The following GABRG3 variants were observed in gnomAD, a reference collection of about 807,000 sequenced individuals.
GABRG3 encodes the protein gamma-aminobutyric acid receptor subunit gamma-3.
A neutral mutation model predicts 48.8 loss-of-function variants in GABRG3; 25 were observed. That is an observed-to-expected ratio of 0.51 (90% CI 0.37 to 0.72). The LOEUF (loss-of-function observed/expected upper bound fraction) is 0.72, where lower values mean the gene tolerates loss of function less well. GABRG3 is among the 30% of genes least tolerant of loss of function. The pLI is 0.00. For missense variants in GABRG3, 394 were observed against 577.9 expected (o/e 0.68, Z 3.26); for synonymous variants, 227 against 217.6 (o/e 1.04, Z -0.38).
At chr15:27,423,932 G>T (rs1888210930) in intron 5 of GABRG3, among the ~76,000 whole-genome samples, 1 of 151,908 alleles carries the variant, frequency 6.6e-6, no homozygotes, top group Non-Finnish European at 1.5e-5. Flanking sequence ...AGTGCCAAGT[G>T]AGTTAATTGG....
chr15:27,494,391 C>T lies in GABRG3; in HGVS notation c.712+13604C>T, dbSNP rs186495380. On this transcript the variant is annotated intron_variant, in intron 6 of 9. Transcript: ENST00000615808. Reference sequence around the variant, plus strand: ...GAGAGAAGTGTTCCCTCCTCTCATACGTCCTGGAAGAGTTTGTGTAGAATT... The same window carrying T: ...GAGAGAAGTGTTCCCTCCTCTCATATGTCCTGGAAGAGTTTGTGTAGAATT... Among the ~76,000 whole-genome samples, 61 of 152,100 alleles carry T rather than the reference C, an allele frequency of 4.0e-4. 1 individual carries two copies. Among genetic ancestry groups the T allele is most frequent in the Non-Finnish European group, 6.8e-4 (46 of 67,976 alleles).
chr15:27,477,905 G>T (rs1197522374), intron 5 of GABRG3, among the ~76,000 whole-genome samples: 2 of 152,054 alleles, frequency 1.3e-5, no homozygotes, highest in African/African-American at 2.4e-5. Context: ...AATTAGCTGG[G>T]CATGGTGGCA....
intron 5 of GABRG3, among the ~76,000 whole-genome samples, chr15:27,431,458 GCT>G (rs1305294481): frequency 2.0e-5 from 3 of 151,984 alleles, no homozygotes; most frequent in Non-Finnish European, 4.4e-5. Context: ...ATGATATCAT[GCT>G]CTCTATAAAT....
At chr15:26,990,211 G>A (rs769128728) in intron 2 of GABRG3, among the ~76,000 whole-genome samples, 4 of 152,120 alleles carry the variant, frequency 2.6e-5, no homozygotes, top group African/African-American at 7.2e-5. Context: ...AATGTTCTCT[G>A]TAGTGATTTA....
intron 3 of GABRG3, among the ~76,000 whole-genome samples, chr15:27,167,977 A>C (rs963762453): frequency 6.6e-6 from 1 of 152,192 alleles, no homozygotes; most frequent in Non-Finnish European, 1.5e-5. Context: ...CTAGGCGAGC[A>C]GAAGTGATGG....
chr15:27,317,064 G>T (rs1343834679), intron 3 of GABRG3, among the ~76,000 whole-genome samples: 1 of 152,150 alleles, frequency 6.6e-6, no homozygotes, highest in Non-Finnish European at 1.5e-5. Flanking sequence ...TAGGTCAGAG[G>T]TGTTGAACTC....
intron 5 of GABRG3, among the ~76,000 whole-genome samples, chr15:27,461,194 A>C (rs112552274): frequency 1.3e-4 from 20 of 152,262 alleles, no homozygotes; most frequent in African/African-American, 4.3e-4. Flanking sequence ...TAATGGCATC[A>C]TCCTCTCCCA....
intron 2 of GABRG3, among the ~76,000 whole-genome samples, chr15:26,981,812 G>A (rs1895060572): frequency 6.6e-6 from 1 of 152,168 alleles, no homozygotes; most frequent in Non-Finnish European, 1.5e-5. Context: ...ACACTGCCCA[G>A]GCACACTGTC....
intron 3 of GABRG3, among the ~76,000 whole-genome samples, chr15:27,108,767 C>A (rs1032766231): frequency 6.6e-6 from 1 of 152,104 alleles, no homozygotes; most frequent in Non-Finnish European, 1.5e-5. Flanking sequence ...TAGGTTTCTA[C>A]ACATTTAAGA....
intron 3 of GABRG3, among the ~76,000 whole-genome samples, chr15:27,281,092 A>G (rs1332314319): frequency 1.3e-5 from 2 of 152,082 alleles, no homozygotes; most frequent in African/African-American, 4.8e-5. Flanking sequence ...GACCTTGGTA[A>G]TTCTCTTTGC....
At chr15:27,281,180 C>T (rs1165772052) in intron 3 of GABRG3, among the ~76,000 whole-genome samples, 1 of 152,096 alleles carries the variant, frequency 6.6e-6, no homozygotes, top group African/African-American at 2.4e-5. Flanking sequence ...TTTACTTTCA[C>T]CCTACCTATA....
At chr15:27,453,789 G>A (rs1018254043) in intron 5 of GABRG3, among the ~76,000 whole-genome samples, 1 of 152,036 alleles carries the variant, frequency 6.6e-6, no homozygotes, top group African/African-American at 2.4e-5. Context: ...TTTAGTACTG[G>A]CAGGGTTTCA....
intron 3 of GABRG3, among the ~76,000 whole-genome samples, chr15:27,120,297 A>G (rs1897709165): frequency 6.6e-6 from 1 of 152,084 alleles, no homozygotes; most frequent in Non-Finnish European, 1.5e-5. Context: ...TTTCTTGCTT[A>G]TTGTATGTTG....
chr15:26,987,207 G>C (rs1425503171), intron 2 of GABRG3, among the ~76,000 whole-genome samples: 1 of 151,122 alleles, frequency 6.6e-6, no homozygotes, highest in South Asian at 2.1e-4. Flanking sequence ...GCAGTGAGCC[G>C]AGATCACACC....
rs76879758 is a variant in GABRG3, at chr15:27,478,965, T to C, written c.575-1685T>C. Among the ~76,000 whole-genome samples the C allele has an allele frequency of 0.03, 4,553 of 151,674 alleles. 403 individuals carry two copies. The East Asian group carries it at 0.32, about 11-fold the overall frequency. On this transcript the variant is annotated intron_variant, in intron 5 of 9. Coordinates refer to ENST00000615808, the MANE Select transcript of GABRG3 (RefSeq NM_033223.5). ...TAGACCAAACTATAGTGACAGAAAA[T>C]ATATAAGTGACTGCCTAGGACTAGG...
intron 3 of GABRG3, among the ~76,000 whole-genome samples, chr15:27,099,710 A>C (rs1022018219): frequency 9.3e-6 from 1 of 107,774 alleles, no homozygotes; most frequent in Non-Finnish European, 1.9e-5. Flanking sequence ...AAACATTATG[A>C]ATAAAAAAAA....
intron 3 of GABRG3, among the ~76,000 whole-genome samples, chr15:27,079,863 A>G (rs1896963955): frequency 1.3e-5 from 2 of 152,160 alleles, no homozygotes; most frequent in Non-Finnish European, 2.9e-5. Flanking sequence ...TTAAATAAAA[A>G]TCAGCCCGCA....
chr15:27,000,386 T>C (rs1566904792), intron 2 of GABRG3, among the ~76,000 whole-genome samples: 1 of 152,166 alleles, frequency 6.6e-6, no homozygotes, highest in Non-Finnish European at 1.5e-5. Flanking sequence ...TAGGGCTAAT[T>C]ACTCCCCACT....
intron 5 of GABRG3, among the ~76,000 whole-genome samples, chr15:27,371,041 G>A (rs1403322870): frequency 6.6e-6 from 1 of 152,070 alleles, no homozygotes; most frequent in East Asian, 1.9e-4. Context: ...AGTGACTTGG[G>A]TACCCTCATT....
Sources: allele counts gnomAD v4.1 joint callset (sites outside exome capture counted in the v4.1 genomes callset), GRCh38; gene constraint gnomAD v4.1.1; transcripts MANE v1.5; gene names NCBI Gene and HGNC (gene_info 2026-07-23, HGNC 2026-07-21).